Variants in HSD11B1 observed in about 807,000 individuals in gnomAD.
HSD11B1 encodes the protein hydroxysteroid 11-beta dehydrogenase 1.
A neutral mutation model predicts 22.1 loss-of-function variants in HSD11B1; 15 were observed. The observed-to-expected ratio is 0.68, with a 90% CI of 0.45 to 1.04. The LOEUF is 1.04. HSD11B1 is among the 50% of genes least tolerant of loss of function. The pLI is 0.00. For missense variants in HSD11B1, 281 were observed against 357.6 expected (o/e 0.79, Z 1.73); for synonymous variants, 122 against 125.2 (o/e 0.97, Z 0.17).
chr1:209,729,886 C>T (rs1412466173), intron 4 of HSD11B1, among the ~76,000 whole-genome samples: 1 of 152,136 alleles, frequency 6.6e-6, no homozygotes, highest in Admixed American at 6.5e-5. Flanking sequence ...AATATATAAT[C>T]ATTTCAGTAG....
chr1:209,689,313 C>T (rs967874955), intron 1 of HSD11B1, among the ~76,000 whole-genome samples: 2 of 152,106 alleles, frequency 1.3e-5, no homozygotes, highest in African/African-American at 4.8e-5. Flanking sequence ...AAGAGACAAA[C>T]ACTACAGACA....
At chr1:209,697,218 A>G (rs959252618) in intron 1 of HSD11B1, among the ~76,000 whole-genome samples, 1 of 152,180 alleles carries the variant, frequency 6.6e-6, no homozygotes, top group African/African-American at 2.4e-5. Context: ...TTTCCCAAAC[A>G]TGACTTTCTC....
intron 4 of HSD11B1, among the ~76,000 whole-genome samples, chr1:209,708,531 C>A (rs894367406): frequency 6.6e-6 from 1 of 152,260 alleles, no homozygotes; most frequent in African/African-American, 2.4e-5. Context: ...CAGACACAGA[C>A]TCTCTCTGGG....
In HSD11B1 at chr1:209,706,871, C is replaced by CA. The variant is rs45487298; in HGVS notation, c.331+53dup. The CA allele has an allele frequency of 0.2, 321,457 of 1,607,542 alleles. 32,985 individuals are homozygous for CA. Among genetic ancestry groups the CA allele is most frequent in the Non-Finnish European group, 0.2 (235,030 of 1,174,126 alleles). Reference sequence around the variant, plus strand: ...CTCTGAACTTTGCCCTTGGGGTCACCAAGAGCTTTTGGGAGGAGAATGGGA... The same window carrying CA: ...CTCTGAACTTTGCCCTTGGGGTCACCAAAGAGCTTTTGGGAGGAGAATGGGA... On this transcript the variant is annotated intron_variant, in intron 3 of 5. Coordinates refer to ENST00000367027, the MANE Select transcript of HSD11B1 (RefSeq NM_005525.4). This position sits in a 1 kb window ranked among gnomAD's most constrained non-coding sequence, Gnocchi z 4.0.
upstream of HSD11B1, among the ~76,000 whole-genome samples, chr1:209,704,606 G>A (rs572220302): frequency 6.6e-6 from 1 of 152,280 alleles, no homozygotes; most frequent in East Asian, 1.9e-4. Context: ...CGTAAATGGT[G>A]TTAAGAGTAA....
chr1:209,698,315 A>C (rs1469490101), intron 1 of HSD11B1, among the ~76,000 whole-genome samples: 1 of 152,230 alleles, frequency 6.6e-6, no homozygotes, highest in African/African-American at 2.4e-5. Context: ...ATTCAGATTT[A>C]ACTGGGCATT....
At chr1:209,720,445 T>C (rs888848477) in intron 4 of HSD11B1, among the ~76,000 whole-genome samples, 1 of 151,976 alleles carries the variant, frequency 6.6e-6, no homozygotes, top group African/African-American at 2.4e-5. Flanking sequence ...TCAAAAGCCC[T>C]GATTTGTAGC....
intron 4 of HSD11B1, among the ~76,000 whole-genome samples, chr1:209,718,099 G>A (rs570777166): frequency 1.4e-3 from 206 of 152,228 alleles, no homozygotes; most frequent in African/African-American, 4.8e-3. Context: ...AAGAATGTCA[G>A]CGTGTTGGCA....
chr1:209,696,627 T>A (rs764069562), intron 1 of HSD11B1, among the ~76,000 whole-genome samples: 3 of 152,012 alleles, frequency 2.0e-5, no homozygotes, highest in Non-Finnish European at 4.4e-5. Context: ...ATTCAAGGAA[T>A]CCAGAAGAAA....
chr1:209,705,673 A>T, intron 1 of HSD11B1, 138 bp from the exon 2 acceptor site: 1 of 1,040,670 alleles, frequency 9.6e-7, no homozygotes, highest in Non-Finnish European at 1.5e-6. Flanking sequence ...ACAGTGATTT[A>T]CGGAGTTTGT....
intron 4 of HSD11B1, among the ~76,000 whole-genome samples, chr1:209,707,816 G>T (rs1355316652): frequency 2.0e-5 from 3 of 152,116 alleles, no homozygotes; most frequent in Admixed American, 6.5e-5. Context: ...TGACCAAAAG[G>T]TTGGTGAAGT....
chr1:209,713,140 C>A (rs1379440333), intron 4 of HSD11B1, among the ~76,000 whole-genome samples: 1 of 152,082 alleles, frequency 6.6e-6, no homozygotes, highest in East Asian at 1.9e-4. Context: ...GATTTAGGTA[C>A]AAAAACATTT....
upstream of HSD11B1, among the ~76,000 whole-genome samples, chr1:209,702,089 T>C (rs756534149): frequency 3.3e-5 from 5 of 152,240 alleles, no homozygotes; most frequent in Non-Finnish European, 5.9e-5. Context: ...TGTTTTTCTA[T>C]GGAACTTTAA....
Position 209,734,771 on chromosome 1 carries a change from G to T in HSD11B1, c.*250G>T. 3.3e-6 allele frequency: 1 copy of T among 303,394 alleles called. No homozygotes were observed. The highest frequency in any genetic ancestry group is 6.3e-6 in the Non-Finnish European group (1 of 159,646). 18.8% of individuals were successfully genotyped at this position (303,394 alleles called of 1,614,324 possible). ...TAAACATAGGTATAATTACCAGATAGTTATATTAAATTTATATCTTATATA... is the reference window on the plus strand; with the variant it reads ...TAAACATAGGTATAATTACCAGATATTTATATTAAATTTATATCTTATATA... On this transcript the variant is annotated 3_prime_UTR_variant, in exon 6 of 6. Transcript: ENST00000367027.
intron 4 of HSD11B1, among the ~76,000 whole-genome samples, chr1:209,718,467 T>C (rs977824429): frequency 3.9e-5 from 6 of 152,086 alleles, no homozygotes; most frequent in Non-Finnish European, 8.8e-5. Context: ...CATGAAGAGA[T>C]GCTAAACATC....
At chr1:209,710,760 A>G (rs1416644061) in intron 4 of HSD11B1, among the ~76,000 whole-genome samples, 2 of 152,252 alleles carry the variant, frequency 1.3e-5, no homozygotes, top group African/African-American at 4.8e-5. Flanking sequence ...ATAGATCAGA[A>G]GGAATAAAAG....
At chr1:209,692,225 A>G (rs2076764087) in intron 1 of HSD11B1, among the ~76,000 whole-genome samples, 1 of 152,200 alleles carries the variant, frequency 6.6e-6, no homozygotes, top group South Asian at 2.1e-4. Flanking sequence ...CCAAAGTAGA[A>G]GTTCGGACCG....
chr1:209,705,297 C>CA (rs1351824941), intron 1 of HSD11B1, among the ~76,000 whole-genome samples: 2 of 128,964 alleles, frequency 1.6e-5, no homozygotes, highest in African/African-American at 2.9e-5. Context: ...AAATCTTCTA[C>CA]AAAAATGAGA....
At position 209,705,887 on chromosome 1, in the gene HSD11B1, G is replaced by A. The variant is rs146919819; in HGVS notation, c.165G>A (p.Ala55=). The part of the protein sequence containing the change: ...GIGREMAYHL[A]KMGAHVVVTA... ...GAAGAGAGATGGCTTATCATCTGGCGAAGATGGGAGCCCATGTGGTGGTGA... is the reference window on the plus strand; with the variant it reads ...GAAGAGAGATGGCTTATCATCTGGCAAAGATGGGAGCCCATGTGGTGGTGA... Residue 55 remains alanine, a synonymous_variant, in exon 2 of 6, where the codon GCG becomes GCA. Coordinates refer to ENST00000367027, the MANE Select transcript of HSD11B1 (RefSeq NM_005525.4). 1,269 of 1,614,040 alleles carry A rather than the reference G, an allele frequency of 7.9e-4. 3 individuals carry two copies. Among genetic ancestry groups the A allele is most frequent in the Non-Finnish European group, 5.9e-4 (692 of 1,179,908 alleles).
Sources: gnomAD v4.1 joint callset for allele counts (sites outside exome capture counted in the v4.1 genomes callset) on GRCh38, gnomAD v4.1.1 for gene constraint, Gnocchi (gnomAD v3.1) non-coding constraint, MANE v1.5 for transcripts, NCBI Gene and HGNC (gene_info 2026-07-23, HGNC 2026-07-21) for gene names.